The following FGD4 variants were observed in gnomAD, a reference collection of about 807,000 sequenced individuals.
FGD4 encodes the protein FYVE, RhoGEF and PH domain-containing protein 4.
FGD4 carries 42 observed loss-of-function variants against 102.0 expected under a neutral mutation model. That is an observed-to-expected ratio of 0.41 (90% CI 0.32 to 0.53). The LOEUF (loss-of-function observed/expected upper bound fraction) is 0.53, where lower values mean the gene tolerates loss of function less well. Ranked by LOEUF, FGD4 falls within the 20% of genes least tolerant of loss-of-function variation. The pLI, the probability that FGD4 is intolerant of heterozygous loss-of-function variation, is 0.21. For synonymous variants in FGD4, 380 were observed against 375.7 expected, an observed-to-expected ratio of 1.01 and a Z score of -0.13; for missense variants, 902 against 1,078.2, an observed-to-expected ratio of 0.84 and a Z score of 2.29.
At chr12:32,455,628 G>A (rs576181092) in intron 1 of FGD4, among the ~76,000 whole-genome samples, 30 of 152,170 alleles carry the variant, frequency 2.0e-4, no homozygotes, top group African/African-American at 7.2e-4. Context: ...CTTTTATGAA[G>A]ACTCAAATTT....
chr12:32,431,676 G>A (rs541072872), intron 1 of FGD4, among the ~76,000 whole-genome samples: 1 of 151,880 alleles, frequency 6.6e-6, no homozygotes, highest in Non-Finnish European at 1.5e-5. Context: ...GGGAGGCTGA[G>A]GCGGGTAGAT....
At chr12:32,534,993 G>T (rs1352308932) in intron 1 of FGD4, among the ~76,000 whole-genome samples, 1 of 152,196 alleles carries the variant, frequency 6.6e-6, no homozygotes, top group East Asian at 1.9e-4. Flanking sequence ...TTCTGTAAAA[G>T]ACAACATTGT....
intron 1 of FGD4, among the ~76,000 whole-genome samples, chr12:32,460,565 G>A (rs1230038602): frequency 1.3e-5 from 2 of 151,956 alleles, no homozygotes; most frequent in African/African-American, 4.8e-5. Flanking sequence ...TAGTAGAGTA[G>A]TACATGTATA....
At chr12:32,620,909 C>T (rs975440732) in intron 11 of FGD4, among the ~76,000 whole-genome samples, 7 of 150,830 alleles carry the variant, frequency 4.6e-5, no homozygotes, top group Middle Eastern at 3.5e-3. Context: ...GTGATCTGCC[C>T]GCCTCAGCCT....
intron 1 of FGD4, among the ~76,000 whole-genome samples, chr12:32,441,566 C>T (rs1942435793): frequency 6.6e-6 from 1 of 151,722 alleles, no homozygotes; most frequent in South Asian, 2.1e-4. Flanking sequence ...GCTTTTTCCT[C>T]CTCAAGCAGA....
intron 1 of FGD4, among the ~76,000 whole-genome samples, chr12:32,504,134 C>T (rs186217824): frequency 2.0e-5 from 3 of 152,278 alleles, no homozygotes; most frequent in East Asian, 3.9e-4. Context: ...CAAGTGTAAG[C>T]GTGTTGCATT....
chr12:32,595,531 A>G (rs1211976145), intron 4 of FGD4, among the ~76,000 whole-genome samples: 1 of 152,110 alleles, frequency 6.6e-6, no homozygotes, highest in Non-Finnish European at 1.5e-5. Flanking sequence ...TTCAGTATAT[A>G]TTTCCTCATA....
At chr12:32,425,024 C>G (rs1216874552) in intron 1 of FGD4, among the ~76,000 whole-genome samples, 1 of 152,146 alleles carries the variant, frequency 6.6e-6, no homozygotes, top group Non-Finnish European at 1.5e-5. Context: ...TGTAGGTTGC[C>G]TGTTCACTCT....
At chr12:32,547,293 A>T (rs1208649038) in intron 1 of FGD4, among the ~76,000 whole-genome samples, 3 of 152,098 alleles carry the variant, frequency 2.0e-5, no homozygotes, top group African/African-American at 7.2e-5. Context: ...AAAAAAAAAT[A>T]GCTGAGTGTG....
At chr12:32,453,225 AGATATATATATATTTTTTTTT>A (rs1942852806) in intron 1 of FGD4, among the ~76,000 whole-genome samples, 4 of 74,882 alleles carry the variant, frequency 5.3e-5, no homozygotes, top group South Asian at 4.6e-4. Flanking sequence ...TATATAATAT[AGATATATATATATTTTTTTTT>A]TTTTAAATGT....
intron 1 of FGD4, among the ~76,000 whole-genome samples, chr12:32,420,174 G>A (rs1392438712): frequency 6.6e-6 from 1 of 152,128 alleles, no homozygotes; most frequent in Non-Finnish European, 1.5e-5. Flanking sequence ...TGCCCCTGTG[G>A]CTGCTGCCTT....
At chr12:32,556,504 C>T (rs1944131185) in intron 1 of FGD4, among the ~76,000 whole-genome samples, 1 of 152,028 alleles carries the variant, frequency 6.6e-6, no homozygotes, top group Non-Finnish European at 1.5e-5. Context: ...CTTTTTGTAA[C>T]TGGCTTATTT....
At position 32,640,265 on chromosome 12, in the gene FGD4, C is replaced by A; in HGVS notation, c.2455-11C>A. On this transcript the variant is annotated splice_polypyrimidine_tract_variant and intron_variant, in intron 16 of 16. Transcript: ENST00000534526. ...ATCACCTGCTTTTAATGTCTGATGT[C>A]TTTTCTTTAGGACGTCAGAGCCCAG... 6.2e-7 allele frequency: 1 copy of A among 1,614,136 alleles called. No homozygotes were observed. Among genetic ancestry groups the A allele is most frequent in the Non-Finnish European group, 8.5e-7 (1 of 1,180,016 alleles).
At chr12:32,401,042 C>T (rs1273039777) in intron 1 of FGD4, among the ~76,000 whole-genome samples, 1 of 152,164 alleles carries the variant, frequency 6.6e-6, no homozygotes. Context: ...GTCTTCATTT[C>T]CTTGTCTTCA....
intron 14 of FGD4, among the ~76,000 whole-genome samples, chr12:32,626,779 G>A (rs951471436): frequency 6.6e-6 from 1 of 152,142 alleles, no homozygotes; most frequent in Admixed American, 6.5e-5. Flanking sequence ...GTAAGTTGGC[G>A]TTTTTGTTGT....
At chr12:32,631,045 G>A (rs972549385) in intron 14 of FGD4, among the ~76,000 whole-genome samples, 1 of 151,986 alleles carries the variant, frequency 6.6e-6, no homozygotes, top group Non-Finnish European at 1.5e-5. Flanking sequence ...TGGTTTTTGT[G>A]TTTCTTTGAT....
intron 1 of FGD4, among the ~76,000 whole-genome samples, chr12:32,402,591 G>C (rs960295909): frequency 6.8e-5 from 9 of 131,700 alleles, no homozygotes; most frequent in Non-Finnish European, 9.5e-5. Context: ...TGGGACTACA[G>C]GCACACACCA....
chr12:32,464,461 T>A (rs1033256859), intron 1 of FGD4, among the ~76,000 whole-genome samples: 3 of 152,194 alleles, frequency 2.0e-5, no homozygotes. Context: ...CCTAGTCATG[T>A]TTTATAATTG....
chr12:32,572,448 C>T (rs569065894), intron 2 of FGD4, among the ~76,000 whole-genome samples: 10 of 152,034 alleles, frequency 6.6e-5, no homozygotes, highest in Non-Finnish European at 1.5e-4. Context: ...AAATGTCACA[C>T]TATTGATCTC....
Sources: allele counts gnomAD v4.1 joint callset (sites outside exome capture counted in the v4.1 genomes callset), GRCh38; gene constraint gnomAD v4.1.1; transcripts MANE v1.5; gene names NCBI Gene and HGNC (gene_info 2026-07-23, HGNC 2026-07-21).